Variants in LAMA2 observed in about 807,000 individuals in gnomAD.
LAMA2 encodes the protein laminin subunit alpha-2.
LAMA2 carries 269 observed loss-of-function variants against 364.8 expected under a neutral mutation model. The observed-to-expected ratio is 0.74, with a 90% CI of 0.67 to 0.82. The LOEUF is 0.82. Among genes scored for constraint, LAMA2 ranks in the 40% least tolerant of loss-of-function variants. LAMA2 has a pLI of 0.00. For synonymous variants in LAMA2, 1,379 were observed against 1,370.6 expected (o/e 1.01, Z -0.14); for missense variants, 3,807 against 3,873.2 (o/e 0.98, Z 0.45).
intron 41 of LAMA2, among the ~76,000 whole-genome samples, chr6:129,429,659 G>A (rs1479757665): frequency 6.6e-6 from 1 of 152,170 alleles, no homozygotes; most frequent in Non-Finnish European, 1.5e-5. Context: ...GCCAAAACCT[G>A]TGTTCCTATT....
intron 40 of LAMA2, among the ~76,000 whole-genome samples, chr6:129,416,011 G>T (rs1239004236): frequency 2.7e-5 from 1 of 37,694 alleles, no homozygotes; most frequent in South Asian, 9.5e-4. Flanking sequence ...TGCAGTGGCG[G>T]GATCTCGGCT....
At chr6:129,021,714 C>T (rs190272775) in intron 1 of LAMA2, among the ~76,000 whole-genome samples, 1 of 152,116 alleles carries the variant, frequency 6.6e-6, no homozygotes, top group Non-Finnish European at 1.5e-5. Flanking sequence ...TCAAGTATGT[C>T]CTGCCTGGAT....
rs2114461051 is a variant in LAMA2, at chr6:129,300,800, C to T, written c.3102C>T (p.Pro1034=). 6 of 1,613,190 alleles carry T rather than the reference C, an allele frequency of 3.7e-6. 1 individual carries two copies. The South Asian group carries it at 6.6e-5, about 18-fold the overall frequency. ...AGACTGGGCGATGCATTTGCCCTCC[C>T]AATACCATTGGAGAGAAATGTTCTA... is the stretch of plus-strand genomic sequence containing the variant. The part of the protein sequence containing the change: ...DPKTGRCICP[P]NTIGEKCSKC... Residue 1034 remains proline, a synonymous_variant, in exon 22 of 65, where the codon CCC becomes CCT. Coordinates refer to ENST00000421865, the MANE Select transcript of LAMA2 (RefSeq NM_000426.4).
Position 128,920,163 on chromosome 6 carries a change from C to CT in LAMA2, c.112+36820dup, listed in dbSNP as rs754182409. 5.1e-3 allele frequency among the ~76,000 whole-genome samples: 732 copies of CT among 143,196 alleles called. 1 individual carries two copies. Among genetic ancestry groups the CT allele is most frequent in the East Asian group, 0.013 (65 of 4,918 alleles). 93.9% of individuals were successfully genotyped at this position (143,196 alleles called of 152,430 possible). A position where few individuals can be genotyped will look rare whatever the true frequency, so the allele number is the denominator to read the frequency against. On this transcript the variant is annotated intron_variant, in intron 1 of 64. Transcript: ENST00000421865. ...CAATTTTCATGCTCATTTTTCTTTT[C>CT]TTTTTTTTTTTTTTGACGGAGTCCT... is the stretch of plus-strand genomic sequence containing the variant.
chr6:129,117,243 A>G (rs1776531961), intron 4 of LAMA2, among the ~76,000 whole-genome samples: 1 of 152,214 alleles, frequency 6.6e-6, no homozygotes, highest in Non-Finnish European at 1.5e-5. Context: ...AGAAAAAAGT[A>G]AAAGGATTTC....
At chr6:129,293,099 CTG>C in intron 20 of LAMA2, 1 of 985,576 alleles carries the variant, frequency 1.0e-6, no homozygotes, top group Non-Finnish European at 1.2e-6. Flanking sequence ...GCTCATGCCT[CTG>C]CATGTTGTGT....
chr6:128,919,452 C>T (rs1778557049), intron 1 of LAMA2, among the ~76,000 whole-genome samples: 1 of 152,134 alleles, frequency 6.6e-6, no homozygotes, highest in Admixed American at 6.5e-5. Context: ...AATCCTAGTT[C>T]CTTAAAATCT....
intron 30 of LAMA2, among the ~76,000 whole-genome samples, chr6:129,345,694 A>G (rs1776507256): frequency 6.6e-6 from 1 of 151,726 alleles, no homozygotes; most frequent in Non-Finnish European, 1.5e-5. Context: ...GTGTGTGTAG[A>G]TATCTAAATA....
intron 10 of LAMA2, among the ~76,000 whole-genome samples, chr6:129,180,466 GT>G (rs201622431): frequency 0.016 from 2,396 of 151,296 alleles, 57 homozygotes; most frequent in African/African-American, 0.054. Context: ...TTTTTAAATA[GT>G]TTTTTTTTAT....
At chr6:129,491,267 T>C (rs1784848081) in intron 56 of LAMA2, among the ~76,000 whole-genome samples, 1 of 152,194 alleles carries the variant, frequency 6.6e-6, no homozygotes, top group Non-Finnish European at 1.5e-5. Context: ...CCAAGGATTG[T>C]TGTAAATAAG....
At chr6:129,499,387 A>G (rs1785449064) in intron 58 of LAMA2, among the ~76,000 whole-genome samples, 1 of 152,168 alleles carries the variant, frequency 6.6e-6, no homozygotes, top group South Asian at 2.1e-4. Context: ...TAGCTTAGAA[A>G]AGGATGATTC....
chr6:129,278,063 C>T (rs1235836190), intron 17 of LAMA2, among the ~76,000 whole-genome samples: 1 of 151,988 alleles, frequency 6.6e-6, no homozygotes, highest in Non-Finnish European at 1.5e-5. Flanking sequence ...TGGGCCAGGC[C>T]TGGTAGCACC....
At chr6:129,436,605 A>AT (rs1781844443) in intron 41 of LAMA2, among the ~76,000 whole-genome samples, 1 of 152,144 alleles carries the variant, frequency 6.6e-6, no homozygotes, top group South Asian at 2.1e-4. Context: ...GCCAAACCAA[A>AT]TACATGTCTA....
At chr6:129,464,156 G>A (rs1439051499) in intron 49 of LAMA2, 134 bp from the exon 50 acceptor site, 2 of 783,084 alleles carry the variant, frequency 2.6e-6, no homozygotes, top group Non-Finnish European at 4.4e-6. Context: ...GAGATAAGTG[G>A]AAGGAATGAA....
chr6:129,415,068 A>T (rs1462284372), intron 40 of LAMA2, among the ~76,000 whole-genome samples: 1 of 152,128 alleles, frequency 6.6e-6, no homozygotes, highest in African/African-American at 2.4e-5. Flanking sequence ...TGAGAGCATT[A>T]TTTCCTGTAT....
At chr6:129,131,884 G>T (rs1583100895) in intron 4 of LAMA2, among the ~76,000 whole-genome samples, 1 of 152,228 alleles carries the variant, frequency 6.6e-6, no homozygotes, top group African/African-American at 2.4e-5. Flanking sequence ...TACAAATGTG[G>T]TGGCTCTAAC....
At chr6:128,969,909 T>C (rs1393651321) in intron 1 of LAMA2, among the ~76,000 whole-genome samples, 1 of 152,214 alleles carries the variant, frequency 6.6e-6, no homozygotes, top group Non-Finnish European at 1.5e-5. Flanking sequence ...AGTACAATTG[T>C]AGCTCATGTT....
At chr6:129,210,769 A>G (rs9482999) in intron 12 of LAMA2, among the ~76,000 whole-genome samples, 1,670 of 152,284 alleles carry the variant, frequency 0.011, 21 homozygotes, top group South Asian at 0.035. Flanking sequence ...AACACCCAAA[A>G]ACAAACAAAA....
At chr6:129,082,177 C>T (rs1243852713) in intron 3 of LAMA2, among the ~76,000 whole-genome samples, 2 of 151,944 alleles carry the variant, frequency 1.3e-5, no homozygotes, top group African/African-American at 2.4e-5. Context: ...ATTACTTTTT[C>T]CAGTACCTAA....
Sources: allele counts gnomAD v4.1 joint callset (sites outside exome capture counted in the v4.1 genomes callset), GRCh38; gene constraint gnomAD v4.1.1; transcripts MANE v1.5; gene names NCBI Gene and HGNC (gene_info 2026-07-23, HGNC 2026-07-21).